PKNOX2: variants seen among roughly 807,000 people sequenced by gnomAD.
The protein encoded by PKNOX2 is homeobox protein PKNOX2.
In PKNOX2, 14 loss-of-function variants were observed where a neutral mutation model predicts 53.1. The observed-to-expected ratio is 0.26, with a 90% CI of 0.17 to 0.41. The LOEUF is 0.41. Among genes scored for constraint, PKNOX2 ranks in the 10% least tolerant of loss-of-function variants. The pLI is 1.00. For missense variants in PKNOX2, 496 were observed against 602.8 expected (o/e 0.82, Z 1.85); for synonymous variants, 257 against 242.8 (o/e 1.06, Z -0.54).
At chr11:125,233,583 G>A (rs1051922453) in intron 1 of PKNOX2, among the ~76,000 whole-genome samples, 1 of 152,186 alleles carries the variant, frequency 6.6e-6, no homozygotes, top group African/African-American at 2.4e-5. Context: ...TTTCCTCAGT[G>A]GTTTGTAGTC....
chr11:125,178,681 AGAGAGAGAGAGAGAG>A (rs1955938414), intron 1 of PKNOX2, among the ~76,000 whole-genome samples: 1 of 59,932 alleles, frequency 1.7e-5, no homozygotes, highest in African/African-American at 8.3e-5. Flanking sequence ...AAAGAAAGAG[AGAGAGAGAGAGAGAG>A]AGAAAGAAAG....
intron 5 of PKNOX2, among the ~76,000 whole-genome samples, chr11:125,371,540 C>T (rs1385227550): frequency 6.6e-6 from 1 of 152,116 alleles, no homozygotes; most frequent in Non-Finnish European, 1.5e-5. Flanking sequence ...CCCTCCCCCT[C>T]CTCCCCTCCA....
At chr11:125,247,298 G>C (rs889640028) in intron 2 of PKNOX2, among the ~76,000 whole-genome samples, 2 of 152,178 alleles carry the variant, frequency 1.3e-5, no homozygotes, top group Non-Finnish European at 2.9e-5. Flanking sequence ...CTGATGAGGA[G>C]TGCCTCTGTG....
At chr11:125,386,960 G>A (rs1251181003) in intron 6 of PKNOX2, among the ~76,000 whole-genome samples, 2 of 152,286 alleles carry the variant, frequency 1.3e-5, no homozygotes, top group African/African-American at 2.4e-5. Context: ...ATAAGGGCTC[G>A]CTTGCTGTCG....
At chr11:125,288,231 A>C (rs1442872431) in intron 2 of PKNOX2, 1 of 152,238 alleles carries the variant, frequency 6.6e-6, no homozygotes, top group African/African-American at 2.4e-5. Flanking sequence ...TAGATCTTGC[A>C]CCGTGTGAGG....
chr11:125,411,462 T>TTC (rs3028442), intron 9 of PKNOX2: 22,814 of 250,506 alleles, frequency 0.091, 871 homozygotes, highest in Admixed American at 0.16. Context: ...TCCTCTGTCT[T>TTC]TCTCTCTCTC....
chr11:125,257,877 G>T (rs1348124970), intron 2 of PKNOX2, among the ~76,000 whole-genome samples: 1 of 152,186 alleles, frequency 6.6e-6, no homozygotes, highest in Non-Finnish European at 1.5e-5. Flanking sequence ...CATTAAGCCA[G>T]TGGCGTGGAG....
intron 3 of PKNOX2, among the ~76,000 whole-genome samples, chr11:125,333,176 G>A (rs1033084458): frequency 1.3e-5 from 2 of 152,098 alleles, no homozygotes; most frequent in Non-Finnish European, 2.9e-5. Flanking sequence ...TGGGAAGAAG[G>A]TACAAAAAGG....
In PKNOX2 at chr11:125,165,161, G is replaced by T. The variant is rs1954763290; in HGVS notation, c.-201+385G>T. On this transcript the variant is annotated intron_variant, in intron 1 of 12. Coordinates refer to ENST00000298282, the MANE Select transcript of PKNOX2 (RefSeq NM_001382323.2). This position sits in a 1 kb window ranked among gnomAD's most constrained non-coding sequence, Gnocchi z 4.5. The stretch of plus-strand genomic sequence containing the variant: ...AGCGCTCAGCCCCGCCGCCGCCGCC[G>T]CCGCCGCCTCGCCGCGCTTGGGCCC... 6.7e-6 allele frequency among the ~76,000 whole-genome samples: 1 copy of T among 148,878 alleles called. No individual in the cohort carries two copies. Among genetic ancestry groups the T allele is most frequent in the Admixed American group, 6.7e-5 (1 of 14,980 alleles).
intron 2 of PKNOX2, among the ~76,000 whole-genome samples, chr11:125,292,849 T>C (rs543149972): frequency 1.3e-4 from 20 of 152,276 alleles, no homozygotes; most frequent in African/African-American, 4.6e-4. Context: ...ACTGGAGATA[T>C]TCATCCCCTC....
At position 125,169,270 on chromosome 11, in the gene PKNOX2, A is replaced by T. The variant is rs144229961; in HGVS notation, c.-201+4494A>T. Among the ~76,000 whole-genome samples the T allele has an allele frequency of 1.4e-4, 21 of 152,270 alleles. No individual in the cohort carries two copies. In the East Asian group the frequency reaches 2.9e-3, roughly 21 times the overall value. ...CCGTTAGCCTGAGTCTAGCCAACAC[A>T]CCATGCTTTGTATAAAACACTTCAC... On this transcript the variant is annotated intron_variant, in intron 1 of 12. Coordinates refer to ENST00000298282, the MANE Select transcript of PKNOX2 (RefSeq NM_001382323.2).
At chr11:125,351,135 G>A (rs191493689) in intron 3 of PKNOX2, 149 bp from the exon 4 acceptor site, 66 of 668,854 alleles carry the variant, frequency 9.9e-5, no homozygotes, top group Non-Finnish European at 3.3e-5. Context: ...CTCTTCCTTA[G>A]CTCTCATTTG....
intron 2 of PKNOX2, among the ~76,000 whole-genome samples, chr11:125,238,071 A>G (rs2135584031): frequency 6.6e-6 from 1 of 152,312 alleles, no homozygotes; most frequent in South Asian, 2.1e-4. Context: ...TCCAAGAACT[A>G]TAGTCTCTTT....
At chr11:125,251,204 A>AT (rs1423705437) in intron 2 of PKNOX2, among the ~76,000 whole-genome samples, 1 of 151,904 alleles carries the variant, frequency 6.6e-6, no homozygotes, top group African/African-American at 2.4e-5. Context: ...AATTATGTTG[A>AT]TTTTCTTCAT....
intron 3 of PKNOX2, among the ~76,000 whole-genome samples, chr11:125,334,674 C>T (rs1950338636): frequency 6.6e-6 from 1 of 151,722 alleles, no homozygotes; most frequent in Non-Finnish European, 1.5e-5. Context: ...TCTCAGCTCA[C>T]TGCAACCTCT....
intron 2 of PKNOX2, among the ~76,000 whole-genome samples, chr11:125,271,371 C>T (rs1053559656): frequency 1.3e-5 from 2 of 152,182 alleles, no homozygotes; most frequent in African/African-American, 2.4e-5. Context: ...AATCTCTTTC[C>T]GGACATCTCC....
chr11:125,270,804 C>T lies in PKNOX2; in HGVS notation c.-130+35689C>T, dbSNP rs747878661. 1.7e-3 allele frequency among the ~76,000 whole-genome samples: 254 copies of T among 152,198 alleles called. 1 individual carries two copies. The highest frequency in any genetic ancestry group is 2.8e-3 in the Non-Finnish European group (188 of 68,002). On this transcript the variant is annotated intron_variant, in intron 2 of 12. Transcript: ENST00000298282. ...TTTCATGTTTCCCAGGATAGGATGG[C>T]GGGAGGAAACTTGGAAATCATCACG...
At chr11:125,410,490 G>A (rs1591562088) in intron 8 of PKNOX2, 165 bp downstream of exon 8, 3 of 1,011,978 alleles carry the variant, frequency 3.0e-6, no homozygotes, top group Non-Finnish European at 4.2e-6. Flanking sequence ...TTAGCGCCAA[G>A]ACCCAATTGT....
intron 1 of PKNOX2, among the ~76,000 whole-genome samples, chr11:125,175,361 T>C (rs890592351): frequency 1.3e-5 from 2 of 152,246 alleles, no homozygotes; most frequent in African/African-American, 4.8e-5. Context: ...CACAGAGTCC[T>C]GGTTCTGGTG....
Sources: allele counts gnomAD v4.1 joint callset (sites outside exome capture counted in the v4.1 genomes callset), GRCh38; gene constraint gnomAD v4.1.1; non-coding constraint Gnocchi (gnomAD v3.1); transcripts MANE v1.5; gene names NCBI Gene and HGNC (gene_info 2026-07-23, HGNC 2026-07-21).